Variants in VAV3 observed in about 807,000 individuals in gnomAD.
VAV3 encodes the protein vav guanine nucleotide exchange factor 3.
Under a neutral mutation model 131.2 loss-of-function variants are expected in VAV3, and 94 were observed. That is an observed-to-expected ratio of 0.72 (90% CI 0.61 to 0.85). VAV3 has a LOEUF of 0.85. Ranked by LOEUF, VAV3 falls within the 40% of genes least tolerant of loss-of-function variation. The pLI is 0.00. For synonymous variants in VAV3, 349 were observed against 342.0 expected, an observed-to-expected ratio of 1.02 and a Z score of -0.22; for missense variants, 939 against 1,002.7, an observed-to-expected ratio of 0.94 and a Z score of 0.86.
At chr1:107,732,504 C>T (rs907342681) in intron 15 of VAV3, among the ~76,000 whole-genome samples, 2 of 152,190 alleles carry the variant, frequency 1.3e-5, no homozygotes, top group Non-Finnish European at 2.9e-5. Flanking sequence ...GGGACACTCC[C>T]GCCTTAATAC....
chr1:107,728,047 C>T (rs1397397459), intron 15 of VAV3, among the ~76,000 whole-genome samples: 5 of 152,070 alleles, frequency 3.3e-5, no homozygotes, highest in Non-Finnish European at 1.5e-5. Flanking sequence ...TCAGGAGTGG[C>T]CTGCTGGAAA....
intron 18 of VAV3, among the ~76,000 whole-genome samples, chr1:107,684,015 A>C (rs998944722): frequency 2.0e-5 from 3 of 152,238 alleles, no homozygotes; most frequent in African/African-American, 7.2e-5. Flanking sequence ...GATTTTAGCC[A>C]ACACTTAAAT....
intron 1 of VAV3, among the ~76,000 whole-genome samples, chr1:107,917,759 AT>A (rs907490728): frequency 3.3e-4 from 49 of 150,756 alleles, no homozygotes; most frequent in East Asian, 9.7e-4. Context: ...CAAATTTTGA[AT>A]TTTTTTTTTC....
At chr1:107,754,402 A>G (rs995074265) in intron 12 of VAV3, among the ~76,000 whole-genome samples, 3 of 152,206 alleles carry the variant, frequency 2.0e-5, no homozygotes, top group Non-Finnish European at 4.4e-5. Context: ...AATGTTTCAG[A>G]GAAAGCAGCG....
chr1:107,855,921 T>C lies in VAV3; in HGVS notation c.321+18980A>G, dbSNP rs1190157235. The stretch of plus-strand genomic sequence containing the variant: ...TGAGAGCACAGGCTCCTTCCACTTC[T>C]ACCCAGAAAACAGTGCAGTGCTTGA... On this transcript the variant is annotated intron_variant, in intron 2 of 26. Coordinates refer to ENST00000370056, the MANE Select transcript of VAV3 (RefSeq NM_006113.5). Among the ~76,000 whole-genome samples, 3 of 152,074 alleles carry C rather than the reference T, an allele frequency of 2.0e-5. No individual in the cohort carries two copies. The Admixed American group carries it at 2.0e-4, about 10-fold the overall frequency.
intron 17 of VAV3, among the ~76,000 whole-genome samples, chr1:107,699,656 A>G (rs1659971571): frequency 1.3e-5 from 2 of 152,040 alleles, no homozygotes; most frequent in African/African-American, 4.8e-5. Flanking sequence ...CCTGCAGCAG[A>G]CCGCTGCCTG....
intron 2 of VAV3, among the ~76,000 whole-genome samples, chr1:107,869,489 A>C (rs143776122): frequency 6.2e-4 from 95 of 152,242 alleles, no homozygotes; most frequent in African/African-American, 2.2e-3. Flanking sequence ...TAAGCACTTG[A>C]CATACACAAT....
At chr1:107,846,693 G>C (rs1379970184) in intron 2 of VAV3, among the ~76,000 whole-genome samples, 1 of 152,082 alleles carries the variant, frequency 6.6e-6, no homozygotes, top group Non-Finnish European at 1.5e-5. Context: ...ATTACATAAT[G>C]GTAAAGGGAT....
chr1:107,866,822 CAA>C (rs66866060), intron 2 of VAV3, among the ~76,000 whole-genome samples: 18 of 59,198 alleles, frequency 3.0e-4, no homozygotes, highest in African/African-American at 9.8e-4. Flanking sequence ...GACTCCATCT[CAA>C]AAAAAAAAAA....
chr1:107,768,392 A>G, intron 7 of VAV3, 49 bp downstream of exon 7: 1 of 1,425,596 alleles, frequency 7.0e-7, no homozygotes, highest in Non-Finnish European at 9.8e-7. Flanking sequence ...AAGGAAATGA[A>G]GATTTTATTG....
chr1:107,620,441 G>A (rs904100893), intron 20 of VAV3, among the ~76,000 whole-genome samples: 5 of 152,082 alleles, frequency 3.3e-5, no homozygotes, highest in East Asian at 1.9e-4. Context: ...AGTAACATGC[G>A]ATACAGGTTT....
chr1:107,803,408 ACTGCTGTTGCTGTATCC>A, intron 2 of VAV3, among the ~76,000 whole-genome samples: 1 of 152,116 alleles, frequency 6.6e-6, no homozygotes, highest in African/African-American at 2.4e-5. Context: ...CCCTCTCAGT[ACTGCTGTTGCTGTATCC>A]CACAGATTTT....
At chr1:107,717,044 C>A (rs1661143392) in intron 15 of VAV3, among the ~76,000 whole-genome samples, 1 of 152,192 alleles carries the variant, frequency 6.6e-6, no homozygotes. Flanking sequence ...TTATAGTATT[C>A]TCTGAAGGTA....
At chr1:107,712,635 T>C (rs1660853897) in intron 15 of VAV3, among the ~76,000 whole-genome samples, 1 of 152,146 alleles carries the variant, frequency 6.6e-6, no homozygotes, top group Non-Finnish European at 1.5e-5. Flanking sequence ...GTGATTTTTG[T>C]GGCAGTTTAT....
chr1:107,738,593 G>A (rs1376859691), intron 15 of VAV3, among the ~76,000 whole-genome samples: 3 of 152,092 alleles, frequency 2.0e-5, no homozygotes, highest in African/African-American at 7.2e-5. Context: ...TTCTCCCATC[G>A]TTTCCATTGC....
intron 1 of VAV3, among the ~76,000 whole-genome samples, chr1:107,921,741 A>G (rs972410735): frequency 7.9e-5 from 12 of 152,222 alleles, no homozygotes; most frequent in Admixed American, 5.9e-4. Flanking sequence ...AATCCTCCCA[A>G]TCTTTAGTTC....
intron 15 of VAV3, among the ~76,000 whole-genome samples, chr1:107,717,239 T>C (rs967129865): frequency 6.6e-6 from 1 of 152,278 alleles, no homozygotes; most frequent in South Asian, 2.1e-4. Flanking sequence ...CTATTTCCTT[T>C]AGTTCTGCTC....
intron 20 of VAV3, among the ~76,000 whole-genome samples, chr1:107,623,338 C>G (rs1437065810): frequency 1.3e-5 from 2 of 152,148 alleles, no homozygotes. Flanking sequence ...TTTATTTTAT[C>G]TATAATATTG....
chr1:107,893,176 T>C (rs1671392058), intron 1 of VAV3, among the ~76,000 whole-genome samples: 1 of 152,238 alleles, frequency 6.6e-6, no homozygotes, highest in Non-Finnish European at 1.5e-5. Flanking sequence ...TTTTTAGTAG[T>C]ATAACTTTAT....
Sources: gnomAD v4.1 joint callset for allele counts (sites outside exome capture counted in the v4.1 genomes callset) on GRCh38, gnomAD v4.1.1 for gene constraint, MANE v1.5 for transcripts, NCBI Gene and HGNC (gene_info 2026-07-23, HGNC 2026-07-21) for gene names.